NSD2: variants seen among roughly 807,000 people sequenced by gnomAD.
NSD2 encodes histone-lysine N-methyltransferase NSD2.
A neutral mutation model predicts 139.0 loss-of-function variants in NSD2; 12 were observed. That is an observed-to-expected ratio of 0.09 (90% CI 0.06 to 0.14). The LOEUF is 0.14. Among genes scored for constraint, NSD2 ranks in the 10% least tolerant of loss-of-function variants. The pLI is 1.00. For synonymous variants in NSD2, 669 were observed against 648.7 expected, an observed-to-expected ratio of 1.03 and a Z score of -0.48; for missense variants, 1,155 against 1,745.0, an observed-to-expected ratio of 0.66 and a Z score of 6.02.
chr4:1,875,039 G>A (rs907650359), intron 1 of NSD2, among the ~76,000 whole-genome samples: 2 of 152,148 alleles, frequency 1.3e-5, no homozygotes, highest in Non-Finnish European at 2.9e-5. Context: ...ATAGCTCACT[G>A]TAACCTGGCA....
At chr4:1,944,291 G>C in intron 9 of NSD2, 1 of 1,066,312 alleles carries the variant, frequency 9.4e-7, no homozygotes. Context: ...AACGGCTCTT[G>C]TTTGAAAGAA....
At chr4:1,924,424 A>G (rs1720581030) in intron 5 of NSD2, among the ~76,000 whole-genome samples, 3 of 152,242 alleles carry the variant, frequency 2.0e-5, no homozygotes, top group Non-Finnish European at 4.4e-5. Context: ...CAACCTGTTC[A>G]CTAGTTTGGA....
At chr4:1,907,884 G>A (rs558783286) in intron 3 of NSD2, among the ~76,000 whole-genome samples, 7 of 152,082 alleles carry the variant, frequency 4.6e-5, no homozygotes, top group African/African-American at 1.7e-4. Context: ...GGGATTACAG[G>A]CATGAGTCAC....
At chr4:1,975,541 C>T in intron 20 of NSD2, 141 bp downstream of exon 20, 2 of 690,150 alleles carry the variant, frequency 2.9e-6, no homozygotes, top group Non-Finnish European at 5.0e-6. Flanking sequence ...CTGCTGTGGG[C>T]TGGGGAGGAT....
rs776718972 is a variant in NSD2, at chr4:1,918,596, G to T, written c.1383G>T (p.Leu461Phe). ...AGGGAGATGCAGCATCCCAGTTTTT[G>T]GTCTTCTGTCAAAAACACAGGGATG... ...SRKGDAASQF[L>F]VFCQKHRDEV... The change falls in exon 5 of 22, where the codon TTG becomes TTT. Residue 461 changes from leucine (L) to phenylalanine (F), a missense_variant. This residue lies in a region of NSD2 where 420 missense variants were observed against 469.0 expected (regional missense o/e 0.90). Coordinates refer to ENST00000508803, the MANE Select transcript of NSD2 (RefSeq NM_001042424.3). 7 of 1,613,668 alleles carry T rather than the reference G, an allele frequency of 4.3e-6. No homozygotes were observed. The East Asian group carries it at 1.1e-4, about 26-fold the overall frequency.
intron 9 of NSD2, chr4:1,940,898 C>T: frequency 9.5e-7 from 1 of 1,057,242 alleles, no homozygotes; most frequent in Non-Finnish European, 1.1e-6. Flanking sequence ...CACTCTGAAT[C>T]CTCAGCGACC....
At chr4:1,904,138 C>G in intron 2 of NSD2, 78 bp from the exon 3 acceptor site, 1 of 1,497,238 alleles carries the variant, frequency 6.7e-7, no homozygotes, top group Non-Finnish European at 9.1e-7. Flanking sequence ...ACATTGTAGC[C>G]TGGTGAATCC....
At chr4:1,871,788 C>T (rs1713787851) in intron 1 of NSD2, among the ~76,000 whole-genome samples, 1 of 135,392 alleles carries the variant, frequency 7.4e-6, no homozygotes, top group African/African-American at 2.7e-5. Flanking sequence ...TGAGGGCCGG[C>T]GGGAGGACCG....
intron 3 of NSD2, among the ~76,000 whole-genome samples, chr4:1,907,455 A>G (rs971537671): frequency 6.6e-6 from 1 of 150,412 alleles, no homozygotes; most frequent in Admixed American, 6.6e-5. Context: ...CCAAATGGGT[A>G]TACTTGGATT....
rs202207779 is a variant in NSD2, at chr4:1,917,014, C to T, written c.904C>T (p.Pro302Ser). 2.7e-4 allele frequency: 441 copies of T among 1,612,808 alleles called. No individual in the cohort carries two copies. Among genetic ancestry groups the T allele is most frequent in the Non-Finnish European group, 3.6e-4 (419 of 1,179,570 alleles). Residue 302 changes from proline (P) to serine (S), a missense_variant, in exon 4 of 22, where the codon CCC becomes TCC. By Grantham distance (74) the Pro-to-Ser change is moderately conservative. Around this residue, in one of 8 missense-constraint regions of NSD2, gnomAD observed 420 missense variants for 469.0 expected, o/e 0.90. Coordinates refer to ENST00000508803, the MANE Select transcript of NSD2 (RefSeq NM_001042424.3). ...ATGCCAGGAAAGTGCCAAGCAGGCA[C>T]CCACGAAAGCTGAGAAAATTAAGGT... ...KLCQESAKQA[P>S]TKAEKIKLLK...
chr4:1,960,822 A>G (rs138439065), intron 17 of NSD2, among the ~76,000 whole-genome samples: 9 of 152,086 alleles, frequency 5.9e-5, no homozygotes, highest in African/African-American at 1.7e-4. Context: ...CACTTCGTGA[A>G]TACTTAATAC....
At chr4:1,894,340 A>G (rs993263957) in intron 1 of NSD2, among the ~76,000 whole-genome samples, 10 of 152,182 alleles carry the variant, frequency 6.6e-5, no homozygotes, top group Non-Finnish European at 1.2e-4. Context: ...TGCTCAGAAC[A>G]TAGGGTGCTC....
chr4:1,883,950 G>T (rs1714894008), intron 1 of NSD2, among the ~76,000 whole-genome samples: 1 of 152,258 alleles, frequency 6.6e-6, no homozygotes, highest in South Asian at 2.1e-4. Flanking sequence ...CGAGAGCATG[G>T]AGAAGCTTGT....
intron 5 of NSD2, among the ~76,000 whole-genome samples, chr4:1,923,496 G>T (rs755977468): frequency 6.6e-6 from 1 of 152,150 alleles, no homozygotes; most frequent in East Asian, 1.9e-4. Flanking sequence ...TGTATGTTAC[G>T]ATCCTGGTGG....
chr4:1,878,409 A>G (rs183435989), intron 1 of NSD2, among the ~76,000 whole-genome samples: 162 of 151,622 alleles, frequency 1.1e-3, no homozygotes, highest in Middle Eastern at 3.4e-3. Context: ...TGCCTGGCCA[A>G]AAAAACTTTT....
chr4:1,925,115 A>T (rs1304261217), intron 5 of NSD2, among the ~76,000 whole-genome samples: 3 of 152,192 alleles, frequency 2.0e-5, no homozygotes, highest in African/African-American at 4.8e-5. Flanking sequence ...TTCTGTAATA[A>T]GCAATTCTAA....
At position 1,976,597 on chromosome 4, in the gene NSD2, C is replaced by G; in HGVS notation, c.3744C>G (p.Gly1248=). Residue 1248 remains glycine (G), a synonymous_variant, in exon 21 of 22, where the codon GGC becomes GGG. Coordinates refer to ENST00000508803, the MANE Select transcript of NSD2 (RefSeq NM_001042424.3). This position sits in a 1 kb window ranked among gnomAD's most constrained non-coding sequence, Gnocchi z 5.3. ...SEDECFRCGD[G]GQLVLCDRKF... ...ACGAGTGCTTCCGCTGCGGTGATGG[C>G]GGGCAGCTGGTGCTGTGTGACCGCA... 6.2e-7 allele frequency: 1 copy of G among 1,611,346 alleles called. No homozygotes were observed. Among genetic ancestry groups the G allele is most frequent in the Non-Finnish European group, 8.5e-7 (1 of 1,178,818 alleles).
At chr4:1,924,752 A>AG (rs1205138481) in intron 5 of NSD2, among the ~76,000 whole-genome samples, 2 of 151,832 alleles carry the variant, frequency 1.3e-5, no homozygotes, top group African/African-American at 4.8e-5. Flanking sequence ...TCTCTACAAA[A>AG]AAAAAAACAA....
chr4:1,960,895 GACT>G (rs1725298493), intron 17 of NSD2, 137 bp from the exon 18 acceptor site: 3 of 598,504 alleles, frequency 5.0e-6, no homozygotes, highest in Non-Finnish European at 9.2e-6. Context: ...AATTTATGGA[GACT>G]TTGTACACGC....
Sources: allele counts gnomAD v4.1 joint callset (sites outside exome capture counted in the v4.1 genomes callset), GRCh38; gene constraint gnomAD v4.1.1; regional missense constraint gnomAD v4.1.1; non-coding constraint Gnocchi (gnomAD v3.1); transcripts MANE v1.5; gene names NCBI Gene and HGNC (gene_info 2026-07-23, HGNC 2026-07-21).